Variants in MYO19 observed in about 807,000 individuals in gnomAD.
MYO19 encodes myosin XIX.
Under a neutral mutation model 129.2 loss-of-function variants are expected in MYO19, and 132 were observed. The observed-to-expected ratio is 1.02, with a 90% confidence interval of 0.89 to 1.18. The LOEUF (loss-of-function observed/expected upper bound fraction) is 1.18, where lower values mean the gene tolerates loss of function less well. MYO19 is among the 50% of genes most tolerant of loss of function. MYO19 has a pLI of 0.00. For missense variants in MYO19, 1,210 were observed against 1,216.7 expected (o/e 0.99, Z 0.08); for synonymous variants, 531 against 477.2 (o/e 1.11, Z -1.47).
Position 36,532,611 on chromosome 17 carries a change from A to C in MYO19, c.-73T>G. On this transcript the variant is annotated 5_prime_UTR_variant, in exon 3 of 26. Coordinates refer to ENST00000614623, the MANE Select transcript of MYO19 (RefSeq NM_001163735.2). The stretch of plus-strand genomic sequence containing the variant: ...GGAGTACTATCCACCTAGTCATGGG[A>C]CCATGGGCTGGGGTATGGTTCCAAC... 6.5e-7 allele frequency: 1 copy of C among 1,530,364 alleles called. No homozygotes were observed. Among genetic ancestry groups the C allele is most frequent in the Admixed American group, 2.0e-5 (1 of 50,976 alleles). The allele number at this position is 1,530,364 out of a possible 1,614,324, so 94.8% of individuals were successfully genotyped here.
intron 23 of MYO19, 85 bp downstream of exon 23, chr17:36,500,745 T>A: frequency 6.7e-7 from 1 of 1,498,826 alleles, no homozygotes; most frequent in Non-Finnish European, 8.9e-7. Flanking sequence ...CTTCAGGAGA[T>A]GGGGACTCGA....
chr17:36,532,717 G>A (rs1039314089), intron 2 of MYO19, 36 bp from the exon 3 acceptor site: 8 of 715,454 alleles, frequency 1.1e-5, no homozygotes, highest in African/African-American at 1.1e-4. Flanking sequence ...ACCACACACA[G>A]GTGAGGGCTT....
Position 36,514,515 on chromosome 17 carries a change from G to A in MYO19, c.651C>T (p.Thr217=). The change falls in exon 9 of 26, where the codon ACC becomes ACT. Residue 217 remains threonine (T), a synonymous_variant. Coordinates refer to ENST00000614623, the MANE Select transcript of MYO19 (RefSeq NM_001163735.2). ...AQQMTGAAVQ[T]YLLEKTRVAC... is the part of the protein sequence containing the mutation. ...CCACTCGAGTTTTCTCTAGGAGGTA[G>A]GTCTGGACTGCGGCTCCAGTCATTT... The A allele has an allele frequency of 6.2e-7, 1 of 1,613,374 alleles. No individual in the cohort carries two copies. Among genetic ancestry groups the A allele is most frequent in the Non-Finnish European group, 8.5e-7 (1 of 1,179,356 alleles).
chr17:36,524,283 AG>A (rs1236072584), intron 6 of MYO19, among the ~76,000 whole-genome samples: 4 of 152,160 alleles, frequency 2.6e-5, no homozygotes, highest in Admixed American at 6.5e-5. Context: ...GCCCCCTGAA[AG>A]CTACATGTTG....
chr17:36,505,339 C>T lies in MYO19; in HGVS notation c.1863G>A (p.Lys621=), dbSNP rs765636608. ...TCTGCGCCTGGCCCTGGCTGTTGGG[C>T]TTGATGCAGCGAATGTAGTGGGGCG... ...STTPHYIRCI[K]PNSQGQAQTF... The change falls in exon 19 of 26, where the codon AAG becomes AAA. Residue 621 remains lysine (K), a synonymous_variant. Transcript: ENST00000614623. The T allele has an allele frequency of 6.2e-7, 1 of 1,614,238 alleles. No homozygotes were observed. Among genetic ancestry groups the T allele is most frequent in the Admixed American group, 1.7e-5 (1 of 60,030 alleles).
At chr17:36,524,922 T>G (rs2073368914) in intron 6 of MYO19, among the ~76,000 whole-genome samples, 1 of 152,230 alleles carries the variant, frequency 6.6e-6, no homozygotes, top group Admixed American at 6.5e-5. Flanking sequence ...CAGCTGACTT[T>G]TGTTTCCAGT....
At chr17:36,524,072 T>C (rs191540970) in intron 6 of MYO19, among the ~76,000 whole-genome samples, 18 of 152,310 alleles carry the variant, frequency 1.2e-4, no homozygotes, top group Admixed American at 6.5e-5. Flanking sequence ...AGCTCTCTGG[T>C]TGAATGAGTC....
rs1218486000 is a variant in MYO19, at chr17:36,513,708, A to G, written c.738T>C (p.Ser246=). The part of the protein sequence containing the change: ...HIFYQICKGA[S]EDERLQWHLP... ...GGTGCCACTGGAGCCTCTCGTCCTC[A>G]CTGGCTCCTTTGCAAATCTGTGGAG... The change falls in exon 10 of 26, where the codon AGT becomes AGC. Residue 246 remains serine, a synonymous_variant. Transcript: ENST00000614623. The G allele has an allele frequency of 6.2e-7, 1 of 1,613,686 alleles. No individual in the cohort carries two copies. Among genetic ancestry groups the G allele is most frequent in the Admixed American group, 1.7e-5 (1 of 60,012 alleles).
intron 15 of MYO19, 102 bp from the exon 16 acceptor site, chr17:36,507,614 G>T: frequency 7.3e-7 from 1 of 1,361,750 alleles, no homozygotes; most frequent in Non-Finnish European, 1.0e-6. Context: ...TTCCAGAACA[G>T]CATCAAAGAA....
chr17:36,520,606 A>T (rs2073073421), intron 6 of MYO19, among the ~76,000 whole-genome samples: 1 of 152,148 alleles, frequency 6.6e-6, no homozygotes, highest in Non-Finnish European at 1.5e-5. Context: ...AGACCAAGCA[A>T]GACTGTCCTC....
chr17:36,498,413 C>T lies in MYO19; in HGVS notation c.2610G>A (p.Leu870=), dbSNP rs1239823380. ...TGCCTACACCCATAGCCGTATTGGC[C>T]AGGACCAGTCCCAGGGGCCAGAGGC... ...IIRLWPLGLV[L]ANTAMGVGSF... is the part of the protein sequence containing the mutation. Residue 870 remains leucine, a synonymous_variant, in exon 25 of 26, where the codon CTG becomes CTA. Transcript: ENST00000614623. The T allele has an allele frequency of 6.2e-7, 1 of 1,614,020 alleles. No individual in the cohort carries two copies. Among genetic ancestry groups the T allele is most frequent in the East Asian group, 2.2e-5 (1 of 44,886 alleles).
At chr17:36,503,043 A>G (rs2071639020) in intron 21 of MYO19, 54 bp downstream of exon 21, 3 of 1,423,268 alleles carry the variant, frequency 2.1e-6, no homozygotes, top group Non-Finnish European at 3.0e-6. Flanking sequence ...GGCACAGGGT[A>G]GATGCTCAGT....
chr17:36,510,823 C>T lies in MYO19; in HGVS notation c.1080G>A (p.Gln360=). 1.3e-6 allele frequency: 2 copies of T among 1,588,022 alleles called. No individual in the cohort carries two copies. The highest frequency in any genetic ancestry group is 1.7e-6 in the Non-Finnish European group (2 of 1,167,312). The change falls in exon 13 of 26, where the codon CAG becomes CAA. Residue 360 remains glutamine, a synonymous_variant. Coordinates refer to ENST00000614623, the MANE Select transcript of MYO19 (RefSeq NM_001163735.2). ...QIRTIRAGRQ[Q]QVFRKPCARA... The stretch of plus-strand genomic sequence containing the variant: ...GGGCGCAGGGCTTCCGGAACACCTG[C>T]TGCTGTCTGCCTGCCCTGATGGTTC...
At chr17:36,533,173 AC>A (rs1363686440) in intron 2 of MYO19, 2 of 153,066 alleles carry the variant, frequency 1.3e-5, no homozygotes, top group Non-Finnish European at 2.9e-5. Context: ...GAAAATGGGG[AC>A]AGTTAAATCT....
intron 6 of MYO19, 130 bp from the exon 7 acceptor site, chr17:36,516,120 A>G (rs1283046243): frequency 9.0e-7 from 1 of 1,107,534 alleles, no homozygotes; most frequent in East Asian, 2.7e-5. Context: ...GTGAAGGCAG[A>G]ATTCAACCCT....
intron 6 of MYO19, among the ~76,000 whole-genome samples, chr17:36,520,238 A>G (rs1436798053): frequency 1.3e-5 from 2 of 152,144 alleles, no homozygotes; most frequent in Non-Finnish European, 2.9e-5. Flanking sequence ...AGCCTCCCAA[A>G]GTGCTGGGAT....
chr17:36,528,380 G>A (rs990104721), intron 3 of MYO19, among the ~76,000 whole-genome samples, 178 bp from the exon 4 acceptor site: 33 of 152,096 alleles, frequency 2.2e-4, no homozygotes, highest in Non-Finnish European at 1.5e-4. Context: ...GCATGGTGGC[G>A]GGCACCTGTA....
At chr17:36,533,411 G>C (rs2073945515) in intron 2 of MYO19, 1 of 152,166 alleles carries the variant, frequency 6.6e-6, no homozygotes, top group Non-Finnish European at 1.5e-5. Context: ...TGTGAGGCTG[G>C]GCCTAAGCCA....
chr17:36,538,542 A>G (rs1262193359), upstream of MYO19: 6 of 1,613,712 alleles, frequency 3.7e-6, no homozygotes, highest in Non-Finnish European at 5.1e-6. Context: ...ATTTGTGGTC[A>G]ATCTCTATAT....
Sources: allele counts gnomAD v4.1 joint callset (sites outside exome capture counted in the v4.1 genomes callset), GRCh38; gene constraint gnomAD v4.1.1; transcripts MANE v1.5; gene names NCBI Gene and HGNC (gene_info 2026-07-23, HGNC 2026-07-21).